NAPSA: variants seen among roughly 807,000 people sequenced by gnomAD.
The protein encoded by NAPSA is napsin-A.
Under a neutral mutation model 36.7 loss-of-function variants are expected in NAPSA, and 37 were observed. The observed-to-expected ratio is 1.01, with a 90% CI of 0.78 to 1.33. The LOEUF (loss-of-function observed/expected upper bound fraction) is 1.33. Among genes scored for constraint, NAPSA ranks in the 40% most tolerant of loss-of-function variants. The pLI, the probability that NAPSA is intolerant of heterozygous loss-of-function variation, is 0.00. For missense variants in NAPSA, 532 were observed against 543.8 expected (o/e 0.98, Z 0.21); for synonymous variants, 222 against 234.5 (o/e 0.95, Z 0.49).
rs1181120153 is a variant in NAPSA at position 50,359,102 on chromosome 19, A to G, written c.944T>C (p.Ile315Thr). ...GIPLLAGEYI[I>T]LCSEIPKLPA... ...GAGCTTTGGGATTTCCGAGCACAGGATGATGTACTGGGGGAGAAGAGGAAC... is the reference window on the plus strand; with the variant it reads ...GAGCTTTGGGATTTCCGAGCACAGGGTGATGTACTGGGGGAGAAGAGGAAC... Residue 315 changes from isoleucine (I) to threonine (T), a missense_variant, in exon 8 of 9, where the codon ATC (isoleucine) becomes ACC (threonine). By Grantham distance (89) the Ile-to-Thr change is moderately conservative. Coordinates refer to ENST00000253719, the MANE Select transcript of NAPSA (RefSeq NM_004851.3). The G allele has an allele frequency of 6.2e-7, 1 of 1,613,234 alleles. No homozygotes were observed. The highest frequency in any genetic ancestry group is 1.3e-5 in the African/African-American group (1 of 75,000).
rs2037473076 is a variant in NAPSA at position 50,361,517 on chromosome 19, C to A, written c.468+146G>T. 1.9e-5 allele frequency: 14 copies of A among 730,618 alleles called. 1 individual carries two copies. In the South Asian group the frequency reaches 2.2e-4, roughly 12 times the overall value. 45.3% of individuals were successfully genotyped at this position (730,618 alleles called of 1,614,324 possible). On this transcript the variant is annotated intron_variant, in intron 4 of 8. Coordinates refer to ENST00000253719, the MANE Select transcript of NAPSA (RefSeq NM_004851.3). ...CTCCTTGTGACGCACCATCCCTTCA[C>A]TCTGAAAGGCAGGCCCTCCTCCCCA... is the stretch of plus-strand genomic sequence containing the variant.
At chr19:50,366,155 T>G (rs1202259419), upstream of NAPSA, 1 of 152,138 alleles carries the variant, frequency 6.6e-6, no homozygotes, top group African/African-American at 2.4e-5. Context: ...TTGGGTATTG[T>G]TTTTTGTTTG....
Position 50,359,054 on chromosome 19 carries a change from C to T in NAPSA, c.992G>A (p.Gly331Glu), listed in dbSNP as rs147978254. The T allele has an allele frequency of 5.1e-4, 821 of 1,614,106 alleles. 2 individuals carry two copies. In the African/African-American group the frequency reaches 8.6e-3, roughly 17 times the overall value. Reference protein sequence around the residue: ...PKLPAVSFLLGGVWFNLTAHD... With the variant: ...PKLPAVSFLLEGVWFNLTAHD... ...GGCCGTGAGGTTAAACCAGACCCCC[C>T]CAAGAAGGAAGGAGACTGCGGGGAG... Residue 331 changes from glycine (G) to glutamate (E), a missense_variant, in exon 8 of 9, where the codon GGG becomes GAG. Around this residue, in one of 3 missense-constraint regions of NAPSA, gnomAD observed 385 missense variants for 371.5 expected, o/e 1.04. Transcript: ENST00000253719.
rs138547964 is a variant in NAPSA, at chr19:50,362,326, A to G, written c.84-13T>C. On this transcript the variant is annotated splice_polypyrimidine_tract_variant and intron_variant, in intron 1 of 8. Coordinates refer to ENST00000253719, the MANE Select transcript of NAPSA (RefSeq NM_004851.3). ...ATGAAGAGGGATGCTGTAGGGAAAG[A>G]GGATATTGACAGGAAGCTGCCCTTC... is the stretch of plus-strand genomic sequence containing the variant. 33 of 1,588,966 alleles carry G rather than the reference A, an allele frequency of 2.1e-5. No homozygotes were observed. The highest frequency in any genetic ancestry group is 3.4e-4 in the Middle Eastern group (2 of 5,936).
chr19:50,361,191 CAT>C (rs1398117745), intron 4 of NAPSA, 51 bp from the exon 5 acceptor site: 2 of 1,508,032 alleles, frequency 1.3e-6, no homozygotes, highest in Non-Finnish European at 1.8e-6. Flanking sequence ...ACAATAACCA[CAT>C]GTCCTGAGGT....
At chr19:50,368,932 C>T (rs1327522995), upstream of NAPSA, among the ~76,000 whole-genome samples, 1 of 152,230 alleles carries the variant, frequency 6.6e-6, no homozygotes, top group East Asian at 1.9e-4. Context: ...AACAGGCTTC[C>T]TCCCTGACTC....
At chr19:50,365,154 T>C (rs2037531002) in intron 1 of NAPSA, among the ~76,000 whole-genome samples, 1 of 150,610 alleles carries the variant, frequency 6.6e-6, no homozygotes. Context: ...GCCAACATGG[T>C]GAAACCCCGT....
intron 1 of NAPSA, among the ~76,000 whole-genome samples, chr19:50,364,057 C>T (rs1052490769): frequency 2.0e-5 from 3 of 152,080 alleles, no homozygotes; most frequent in South Asian, 4.1e-4. Flanking sequence ...CAGTGGCTCA[C>T]GCCTGTAATC....
upstream of NAPSA, among the ~76,000 whole-genome samples, chr19:50,367,918 G>C (rs1040765879): frequency 2.6e-5 from 4 of 152,096 alleles, no homozygotes; most frequent in African/African-American, 9.7e-5. Context: ...AGCACTTTAG[G>C]AGGCTGAGGC....
At chr19:50,368,891 C>T (rs1161740311), upstream of NAPSA, among the ~76,000 whole-genome samples, 2 of 152,210 alleles carry the variant, frequency 1.3e-5, no homozygotes, top group African/African-American at 4.8e-5. Flanking sequence ...CCGACTTGCT[C>T]GCTCTCTGCA....
chr19:50,358,544 A>G lies in NAPSA; in HGVS notation c.*9T>C. ...CGACCACCCGCTGCGCATGCGCTTC[A>G]CTTGGGCGTCACCCGGGGAACTGCG... is the stretch of plus-strand genomic sequence containing the variant. On this transcript the variant is annotated 3_prime_UTR_variant, in exon 9 of 9. Coordinates refer to ENST00000253719, the MANE Select transcript of NAPSA (RefSeq NM_004851.3). 1 of 1,578,536 alleles carries G rather than the reference A, an allele frequency of 6.3e-7. No individual in the cohort carries two copies. Among genetic ancestry groups the G allele is most frequent in the Non-Finnish European group, 8.6e-7 (1 of 1,162,574 alleles).
At chr19:50,362,755 C>CTCA (rs1213755266) in intron 1 of NAPSA, 1 of 153,694 alleles carries the variant, frequency 6.5e-6, no homozygotes, top group Non-Finnish European at 1.4e-5. Context: ...CCGTGCTGAT[C>CTCA]TCAAACTCCT....
rs761524390 is a variant in NAPSA, at chr19:50,359,784, G to C, written c.747C>G (p.Phe249Leu). ...AGTAGGCAGGGACCGTGACTGGCAC[G>C]AAGGTGAGGGGTGGGATGTAGTGTG... Reference protein sequence around the residue: ...DPAHYIPPLTFVPVTVPAYWQ... With the variant: ...DPAHYIPPLTLVPVTVPAYWQ... The change falls in exon 6 of 9, where the codon TTC (phenylalanine) becomes TTG (leucine). Residue 249 changes from phenylalanine to leucine, a missense_variant. Physicochemically the swap from Phe to Leu is conservative, Grantham distance 22 (BLOSUM62 0). Coordinates refer to ENST00000253719, the MANE Select transcript of NAPSA (RefSeq NM_004851.3). 1.2e-6 allele frequency: 2 copies of C among 1,614,114 alleles called. No individual in the cohort carries two copies. Among genetic ancestry groups the C allele is most frequent in the Non-Finnish European group, 1.7e-6 (2 of 1,180,054 alleles).
chr19:50,366,257 C>T (rs1304792662), upstream of NAPSA, among the ~76,000 whole-genome samples: 6 of 151,554 alleles, frequency 4.0e-5, no homozygotes, highest in South Asian at 2.1e-4. Flanking sequence ...TGCGCAACCA[C>T]GCCCCACTAA....
chr19:50,365,564 C>G lies in NAPSA; in HGVS notation c.58G>C (p.Glu20Gln). The G allele has an allele frequency of 6.2e-7, 1 of 1,613,644 alleles. No individual in the cohort carries two copies. Among genetic ancestry groups the G allele is most frequent in the South Asian group, 1.1e-5 (1 of 91,012 alleles). The change falls in exon 1 of 9, where the codon GAG (glutamate) becomes CAG (glutamine). Residue 20 changes from glutamate to glutamine, a missense_variant. This residue lies in a region of NAPSA where 102 missense variants were observed against 93.6 expected (regional missense o/e 1.09). Transcript: ENST00000253719. ...LLLLLPLLNV[E>Q]PSGATLIRIP... ...CGGATCAGTGTGGCCCCGGAAGGCT[C>G]CACATTCAGCAGAGGCAGCAGCAGC... is the stretch of plus-strand genomic sequence containing the variant.
chr19:50,358,679 C>A lies in NAPSA; in HGVS notation c.1137G>T (p.Gly379=), dbSNP rs1479946159. ...PFWILGDVFL[G]TYVAVFDRGD... Reference sequence around the variant, plus strand: ...CGCGGTCGAAGACGGCCACATACGTCCCCAAGAAGACGTCACCGAGGATCC... The same window carrying A: ...CGCGGTCGAAGACGGCCACATACGTACCCAAGAAGACGTCACCGAGGATCC... Residue 379 remains glycine (G), a synonymous_variant, in exon 9 of 9, where the codon GGG becomes GGT. Transcript: ENST00000253719. 6.2e-7 allele frequency: 1 copy of A among 1,613,318 alleles called. No homozygotes were observed. Among genetic ancestry groups the A allele is most frequent in the Admixed American group, 1.7e-5 (1 of 59,984 alleles).
intron 1 of NAPSA, chr19:50,362,594 A>G (rs1386265576): frequency 6.9e-5 from 19 of 274,066 alleles, no homozygotes; most frequent in Admixed American, 4.5e-4. Flanking sequence ...ATTCTTAAAG[A>G]TTTCCCAAGA....
chr19:50,361,170 C>T lies in NAPSA; in HGVS notation c.469-30G>A, dbSNP rs770100368. 7 of 1,590,210 alleles carry T rather than the reference C, an allele frequency of 4.4e-6. No individual in the cohort carries two copies. In the African/African-American group the frequency reaches 9.4e-5, roughly 21 times the overall value. On this transcript the variant is annotated intron_variant, in intron 4 of 8. Coordinates refer to ENST00000253719, the MANE Select transcript of NAPSA (RefSeq NM_004851.3). ...GGGTAGATTGAGATGTGACCAGTTA[C>T]TTTTGGGAGGACAATAACCACATGT... is the stretch of plus-strand genomic sequence containing the variant.
Position 50,358,798 on chromosome 19 carries a change from G to T in NAPSA, c.1036-18C>A, listed in dbSNP as rs770333381. 2 of 1,591,178 alleles carry T rather than the reference G, an allele frequency of 1.3e-6. No individual in the cohort carries two copies. Among genetic ancestry groups the T allele is most frequent in the Admixed American group, 1.8e-5 (1 of 56,552 alleles). ...CGAGTAGTCTGCAAGGCAACAAGACGACAACTGGGTGTCGCGGCCACAAGG... is the reference window on the plus strand; with the variant it reads ...CGAGTAGTCTGCAAGGCAACAAGACTACAACTGGGTGTCGCGGCCACAAGG... On this transcript the variant is annotated intron_variant, in intron 8 of 8. Transcript: ENST00000253719.
Sources: allele counts gnomAD v4.1 joint callset (sites outside exome capture counted in the v4.1 genomes callset), GRCh38; gene constraint gnomAD v4.1.1; regional missense constraint gnomAD v4.1.1; transcripts MANE v1.5; gene names NCBI Gene and HGNC (gene_info 2026-07-23, HGNC 2026-07-21).